COX17: variants seen among roughly 807,000 people sequenced by gnomAD.
The protein encoded by COX17 is cytochrome c oxidase copper chaperone COX17, also known as cytochrome c oxidase copper chaperone.
A neutral mutation model predicts 6.3 loss-of-function variants in COX17; 1 was observed. The ratio of observed to expected loss-of-function variants is 0.16; its 90% CI spans 0.06 to 0.75. The LOEUF (loss-of-function observed/expected upper bound fraction) is 0.75, where lower values mean the gene tolerates loss of function less well. Ranked by LOEUF, COX17 falls within the 30% of genes least tolerant of loss-of-function variation. The pLI is 0.77. For missense variants in COX17, 73 were observed against 81.2 expected (o/e 0.90, Z 0.39); for synonymous variants, 26 against 30.5 (o/e 0.85, Z 0.49).
chr3:119,675,688 C>T (rs79909540), intron 1 of COX17: 3,509 of 154,050 alleles, frequency 0.023, 49 homozygotes, highest in Middle Eastern at 0.071. Flanking sequence ...AGCCAGGAGA[C>T]CGAGATAAAC....
At chr3:119,675,989 CT>C (rs1447190403) in intron 1 of COX17, among the ~76,000 whole-genome samples, 1 of 152,162 alleles carries the variant, frequency 6.6e-6, no homozygotes, top group Non-Finnish European at 1.5e-5. Context: ...GGGAGATTGC[CT>C]GGGATAGTGA....
intron 2 of COX17, among the ~76,000 whole-genome samples, chr3:119,673,051 A>G (rs2053061048): frequency 6.6e-6 from 1 of 152,228 alleles, no homozygotes; most frequent in African/African-American, 2.4e-5. Context: ...CTCTAGTACT[A>G]ATATATTGGC....
downstream of COX17, among the ~76,000 whole-genome samples, chr3:119,667,492 A>T (rs1232317618): frequency 6.6e-6 from 1 of 152,192 alleles, no homozygotes; most frequent in Non-Finnish European, 1.5e-5. Flanking sequence ...CTCAGACACT[A>T]AGGTGTAAAT....
chr3:119,668,743 T>C (rs1247961246), downstream of COX17, among the ~76,000 whole-genome samples: 2 of 152,068 alleles, frequency 1.3e-5, no homozygotes, highest in East Asian at 1.9e-4. Context: ...CAATGATACA[T>C]GAACATTATA....
intron 2 of COX17, among the ~76,000 whole-genome samples, chr3:119,672,744 T>C (rs1304176404): frequency 1.3e-5 from 2 of 152,222 alleles, no homozygotes; most frequent in East Asian, 1.9e-4. Flanking sequence ...ATACTATATA[T>C]AGAATCACAA....
downstream of COX17, among the ~76,000 whole-genome samples, chr3:119,667,225 G>T (rs1212603723): frequency 1.3e-5 from 2 of 152,180 alleles, no homozygotes; most frequent in Non-Finnish European, 2.9e-5. Flanking sequence ...GAATGTGGTT[G>T]TTACCCACTA....
chr3:119,669,233 C>T (rs2053019647), downstream of COX17: 1 of 135,452 alleles, frequency 7.4e-6, no homozygotes, highest in African/African-American at 2.7e-5. Context: ...AAGGCTTGTT[C>T]TTACCTTTAA....
At chr3:119,666,765 C>T (rs1224579102), downstream of COX17, among the ~76,000 whole-genome samples, 1 of 152,126 alleles carries the variant, frequency 6.6e-6, no homozygotes, top group South Asian at 2.1e-4. Context: ...TCTTGAAAAA[C>T]GTGTCTGATT....
chr3:119,668,545 C>CTTTTT (rs35724558), downstream of COX17, among the ~76,000 whole-genome samples: 1,211 of 142,182 alleles, frequency 8.5e-3, 9 homozygotes, highest in South Asian at 0.031. Flanking sequence ...ACTTCTATAC[C>CTTTTT]TTTTTTTTTT....
At chr3:119,675,523 GAAATA>G in intron 1 of COX17, 1 of 265,150 alleles carries the variant, frequency 3.8e-6, no homozygotes, top group Non-Finnish European at 7.2e-6. Flanking sequence ...GCTCTATAAA[GAAATA>G]AACTGAGTAA....
At position 119,675,226 on chromosome 3, in the gene COX17, CGAT is replaced by C. The variant is rs758226702; in HGVS notation, c.112_114del (p.Ile38del). The stretch of plus-strand genomic sequence containing the variant: ...TGTCCACAGTGTTCTTCTCCTTTCT[CGAT>C]GATACTATAAAACAAAATGTACTTG... On this transcript the variant is annotated inframe_deletion, in exon 2 of 3. Coordinates refer to ENST00000261070, the MANE Select transcript of COX17 (RefSeq NM_005694.2). 2 of 1,610,234 alleles carry C rather than the reference CGAT, an allele frequency of 1.2e-6. No individual in the cohort carries two copies. The highest frequency in any genetic ancestry group is 2.2e-5 in the East Asian group (1 of 44,850).
intron 2 of COX17, among the ~76,000 whole-genome samples, chr3:119,671,041 TA>T (rs1295834931): frequency 5.9e-5 from 9 of 152,188 alleles, no homozygotes; most frequent in Admixed American, 5.9e-4. Context: ...AAAAATTGTC[TA>T]AAATCACCAC....
Position 119,677,398 on chromosome 3 carries a change from A to G in COX17, c.-88T>C. 9.5e-7 allele frequency: 1 copy of G among 1,048,340 alleles called. No homozygotes were observed. The highest frequency in any genetic ancestry group is 1.4e-5 in the South Asian group (1 of 73,566). The allele number at this position is 1,048,340 out of a possible 1,614,324, so 64.9% of individuals were successfully genotyped here. A position where few individuals can be genotyped will look rare whatever the true frequency, so the allele number is the denominator to read the frequency against. ...CGATTCGTCCGCAGTCACTTCCGGC[A>G]GTCGCTCTAAAAAGTACAGGAAGTC... On this transcript the variant is annotated 5_prime_UTR_variant, in exon 1 of 3. Transcript: ENST00000261070.
At position 119,669,578 on chromosome 3, in the gene COX17, C is replaced by T. The variant is rs909288070; in HGVS notation, c.*92G>A. 1.8e-4 allele frequency: 27 copies of T among 152,128 alleles called. 1 individual carries two copies. The highest frequency in any genetic ancestry group is 6.5e-4 in the African/African-American group (27 of 41,424). 9.4% of individuals were successfully genotyped at this position (152,128 alleles called of 1,614,324 possible). ...TTCTTCTTACAATAAATTATAAATA[C>T]TTTTTCCACATATCAAAGTTCGTCA... On this transcript the variant is annotated 3_prime_UTR_variant, in exon 3 of 3. Coordinates refer to ENST00000261070, the MANE Select transcript of COX17 (RefSeq NM_005694.2).
downstream of COX17, among the ~76,000 whole-genome samples, chr3:119,668,542 T>C (rs1459884506): frequency 6.6e-6 from 1 of 151,562 alleles, no homozygotes; most frequent in Non-Finnish European, 1.5e-5. Context: ...ATTACTTCTA[T>C]ACCTTTTTTT....
At position 119,671,400 on chromosome 3, in the gene COX17, A is replaced by G. The variant is rs1343622850; in HGVS notation, c.*5-1735T>C. Among the ~76,000 whole-genome samples, 4 of 152,252 alleles carry G rather than the reference A, an allele frequency of 2.6e-5. No homozygotes were observed. The East Asian group carries it at 7.7e-4, about 29-fold the overall frequency. ...CAATTAAGATCTACTTAGGAATAACATTAAAATCTACAAAGGTTTTTGAAT... is the reference window on the plus strand; with the variant it reads ...CAATTAAGATCTACTTAGGAATAACGTTAAAATCTACAAAGGTTTTTGAAT... On this transcript the variant is annotated intron_variant, in intron 2 of 2. Coordinates refer to ENST00000261070, the MANE Select transcript of COX17 (RefSeq NM_005694.2).
rs770040932 is a variant in COX17, at chr3:119,677,230, C to T, written c.81G>A (p.Pro27=). The T allele has an allele frequency of 1.2e-6, 2 of 1,611,548 alleles. No individual in the cohort carries two copies. The highest frequency in any genetic ancestry group is 1.3e-5 in the African/African-American group (1 of 74,840). The change falls in exon 1 of 3, where the codon CCG becomes CCA. Residue 27 remains proline, a synonymous_variant. Coordinates refer to ENST00000261070, the MANE Select transcript of COX17 (RefSeq NM_005694.2). ...ACGCATCGCGCGCCTTCTTGGTCTCCGGGCAAGCGCAGCAGGGCTTCAGCG... is the reference window on the plus strand; with the variant it reads ...ACGCATCGCGCGCCTTCTTGGTCTCTGGGCAAGCGCAGCAGGGCTTCAGCG... The part of the protein sequence containing the change: ...KKPLKPCCAC[P]ETKKARDACI...
chr3:119,666,435 C>G (rs904802427), downstream of COX17, among the ~76,000 whole-genome samples: 3 of 152,154 alleles, frequency 2.0e-5, no homozygotes, highest in African/African-American at 7.2e-5. Flanking sequence ...GGACTTCCAG[C>G]TATGTGAGTT....
chr3:119,676,635 T>C (rs2053103003), intron 1 of COX17: 1 of 526,146 alleles, frequency 1.9e-6, no homozygotes, highest in African/African-American at 1.9e-5. Context: ...AGGAATACAC[T>C]CTGTGTCCTA....
Sources: gnomAD v4.1 joint callset for allele counts (sites outside exome capture counted in the v4.1 genomes callset) on GRCh38, gnomAD v4.1.1 for gene constraint, MANE v1.5 for transcripts, NCBI Gene and HGNC (gene_info 2026-07-23, HGNC 2026-07-21) for gene names.